The following BAZ1A variants were observed in gnomAD, a reference collection of about 807,000 sequenced individuals.
BAZ1A encodes the protein bromodomain adjacent to zinc finger domain 1A.
Under a neutral mutation model 185.2 loss-of-function variants are expected in BAZ1A, and 50 were observed. The observed-to-expected ratio is 0.27, with a 90% CI of 0.22 to 0.34. BAZ1A has a LOEUF of 0.34. Ranked by LOEUF, BAZ1A falls within the 10% of genes least tolerant of loss-of-function variation. The pLI is 1.00. For synonymous variants in BAZ1A, 571 were observed against 615.6 expected (o/e 0.93, Z 1.07); for missense variants, 1,356 against 1,839.9 (o/e 0.74, Z 4.81).
chr14:34,861,962 C>T (rs1471630285), intron 3 of BAZ1A, 82 bp downstream of exon 3: 39 of 1,472,648 alleles, frequency 2.6e-5, no homozygotes, highest in Non-Finnish European at 2.7e-5. Context: ...GGAAGATTTC[C>T]TTAGGTCACC....
chr14:34,832,228 A>ATATATATATATATATATATATATATATG (rs1437244262), intron 3 of BAZ1A, among the ~76,000 whole-genome samples: 14 of 143,376 alleles, frequency 9.8e-5, no homozygotes, highest in African/African-American at 2.6e-4. Flanking sequence ...ATATATATAT[A>ATATATATATATATATATATATATATATG]TATGTATGTA....
At chr14:34,789,181 C>A (rs554489356) in intron 12 of BAZ1A, among the ~76,000 whole-genome samples, 1 of 152,160 alleles carries the variant, frequency 6.6e-6, no homozygotes, top group African/African-American at 2.4e-5. Flanking sequence ...ATGAGCACTC[C>A]AAAATTAACA....
Position 34,776,266 on chromosome 14 carries a change from T to C in BAZ1A, c.2486A>G (p.Tyr829Cys). ...SIPGLFIEEDYSGLTEDMLLP... is the reference protein window; with the variant it reads ...SIPGLFIEEDCSGLTEDMLLP... ...CAGCATGTCTTCAGTAAGACCAGAATAATCCTCTTCAATAAAGAGTCCAGG... is the reference window on the plus strand; with the variant it reads ...CAGCATGTCTTCAGTAAGACCAGAACAATCCTCTTCAATAAAGAGTCCAGG... The change falls in exon 18 of 27, where the codon TAT (tyrosine) becomes TGT (cysteine). Residue 829 changes from tyrosine (Y) to cysteine (C), a missense_variant. Transcript: ENST00000360310. 6.2e-7 allele frequency: 1 copy of C among 1,613,760 alleles called. No individual in the cohort carries two copies. The highest frequency in any genetic ancestry group is 8.5e-7 in the Non-Finnish European group (1 of 1,179,716).
rs1272570600 is a variant in BAZ1A, at chr14:34,874,244, G to A, written c.113+248C>T. 2.2e-5 allele frequency: 9 copies of A among 410,158 alleles called. No homozygotes were observed. The highest frequency in any genetic ancestry group is 3.9e-5 in the Non-Finnish European group (9 of 228,544). 25.4% of individuals were successfully genotyped at this position (410,158 alleles called of 1,614,324 possible). ...ACAGCAGCGGCTAGGAGCGGTCCCC[G>A]AGGCCGGCCAGGGACCCAGCCTCCT... On this transcript the variant is annotated intron_variant, in intron 2 of 26. Transcript: ENST00000360310. This position sits in a 1 kb window ranked among gnomAD's most constrained non-coding sequence, Gnocchi z 4.7.
intron 9 of BAZ1A, among the ~76,000 whole-genome samples, chr14:34,799,049 C>T (rs1257338234): frequency 6.6e-6 from 1 of 151,916 alleles, no homozygotes; most frequent in East Asian, 1.9e-4. Flanking sequence ...GAATACTATG[C>T]AGCCACAAAA....
rs1244628663 is a variant in BAZ1A, at chr14:34,753,474, T to C, written c.*34A>G. 6 of 1,607,474 alleles carry C rather than the reference T, an allele frequency of 3.7e-6. No homozygotes were observed. Among genetic ancestry groups the C allele is most frequent in the African/African-American group, 1.3e-5 (1 of 74,862 alleles). On this transcript the variant is annotated 3_prime_UTR_variant, in exon 27 of 27. Transcript: ENST00000360310. Reference sequence around the variant, plus strand: ...ATGTTCCATTTTCATGAACAATTTGTTTTTCTTCAAATATATCCTTTAGAA... The same window carrying C: ...ATGTTCCATTTTCATGAACAATTTGCTTTTCTTCAAATATATCCTTTAGAA...
intron 3 of BAZ1A, among the ~76,000 whole-genome samples, chr14:34,857,291 C>T (rs949998764): frequency 6.6e-6 from 1 of 152,068 alleles, no homozygotes; most frequent in African/African-American, 2.4e-5. Flanking sequence ...CAGGCTTGAG[C>T]CACAACGCAC....
At chr14:34,829,865 T>G (rs930966708) in intron 3 of BAZ1A, among the ~76,000 whole-genome samples, 1 of 152,200 alleles carries the variant, frequency 6.6e-6, no homozygotes, top group Non-Finnish European at 1.5e-5. Flanking sequence ...TATATAGTGA[T>G]TCCCCCAAAG....
At chr14:34,761,580 T>C (rs1189710095) in intron 24 of BAZ1A, among the ~76,000 whole-genome samples, 177 bp downstream of exon 24, 1 of 152,238 alleles carries the variant, frequency 6.6e-6, no homozygotes, top group East Asian at 1.9e-4. Context: ...AGTAATATAA[T>C]TTATTCATTA....
At chr14:34,759,730 A>G (rs1886443814) in intron 24 of BAZ1A, among the ~76,000 whole-genome samples, 1 of 152,052 alleles carries the variant, frequency 6.6e-6, no homozygotes, top group Non-Finnish European at 1.5e-5. Flanking sequence ...GCTGGAGTGC[A>G]GTGGCATGAT....
At position 34,784,367 on chromosome 14, in the gene BAZ1A, CAAAAAA is replaced by C. The variant is rs368815964; in HGVS notation, c.1832-446_1832-441del. On this transcript the variant is annotated intron_variant, in intron 14 of 26. Transcript: ENST00000360310. ...TGGGCAACTGAGTGAGACTCTGTCT[CAAAAAA>C]AAAAAAAAAAAAAAAAAAAAAAGGC... Among the ~76,000 whole-genome samples the C allele has an allele frequency of 5.1e-3, 397 of 77,166 alleles. 6 individuals carry two copies. The highest frequency in any genetic ancestry group is 0.023 in the African/African-American group (379 of 16,410). 50.6% of individuals were successfully genotyped at this position (77,166 alleles called of 152,430 possible). A position where few individuals can be genotyped will look rare whatever the true frequency, so the allele number is the denominator to read the frequency against.
At position 34,761,311 on chromosome 14, in the gene BAZ1A, C is replaced by T. The variant is rs558822861; in HGVS notation, c.4243+446G>A. 3.3e-5 allele frequency among the ~76,000 whole-genome samples: 5 copies of T among 152,164 alleles called. No individual in the cohort carries two copies. In the South Asian group the frequency reaches 6.2e-4, roughly 19 times the overall value. ...AAAAAATAAAAAGACAGCTGGTCATCGCTTCCTAAAAATATTACTGCTTCC... is the reference window on the plus strand; with the variant it reads ...AAAAAATAAAAAGACAGCTGGTCATTGCTTCCTAAAAATATTACTGCTTCC... On this transcript the variant is annotated intron_variant, in intron 24 of 26. Coordinates refer to ENST00000360310, the MANE Select transcript of BAZ1A (RefSeq NM_013448.3).
intron 25 of BAZ1A, among the ~76,000 whole-genome samples, chr14:34,757,270 C>G (rs1205501141): frequency 6.7e-6 from 1 of 148,226 alleles, no homozygotes; most frequent in African/African-American, 2.5e-5. Context: ...GAGGCTGAGG[C>G]AGGAGAATCA....
At position 34,874,863 on chromosome 14, in the gene BAZ1A, C is replaced by G; in HGVS notation, c.-58-201G>C. The G allele has an allele frequency of 5.2e-6, 2 of 381,188 alleles. No homozygotes were observed. The highest frequency in any genetic ancestry group is 3.8e-5 in the South Asian group (1 of 26,522). The allele number at this position is 381,188 out of a possible 1,614,324, so 23.6% of individuals were successfully genotyped here. A position where few individuals can be genotyped will look rare whatever the true frequency, so the allele number is the denominator to read the frequency against. On this transcript the variant is annotated intron_variant, in intron 1 of 26. Transcript: ENST00000360310. The surrounding 1 kb of genome is among the most constrained non-coding windows in gnomAD (Gnocchi z 4.7). ...CCGCCGCCCCTGCCCCCCGAGCGCGCCCTACCTCCTCTCGTCCTGCCGCCG... is the reference window on the plus strand; with the variant it reads ...CCGCCGCCCCTGCCCCCCGAGCGCGGCCTACCTCCTCTCGTCCTGCCGCCG...
chr14:34,817,790 C>T (rs2042029115), intron 4 of BAZ1A, among the ~76,000 whole-genome samples: 1 of 152,120 alleles, frequency 6.6e-6, no homozygotes, highest in Non-Finnish European at 1.5e-5. Context: ...CATGAGATAC[C>T]ATTTTACACC....
At position 34,832,215 on chromosome 14, in the gene BAZ1A, C is replaced by CACACACACACACACACATATATATATAT; in HGVS notation, c.393-6060_393-6059insATATATATATATGTGTGTGTGTGTGTGT. On this transcript the variant is annotated intron_variant, in intron 3 of 26. Coordinates refer to ENST00000360310, the MANE Select transcript of BAZ1A (RefSeq NM_013448.3). ...ATACACACACACACACACACACACA[C>CACACACACACACACACATATATATATAT]ATATATATATATATATGTATGTATG... is the stretch of plus-strand genomic sequence containing the variant. 7.3e-3 allele frequency among the ~76,000 whole-genome samples: 655 copies of CACACACACACACACACATATATATATAT among 89,464 alleles called. 9 individuals carry two copies. The highest frequency in any genetic ancestry group is 0.011 in the Non-Finnish European group (462 of 42,578). The allele number at this position is 89,464 out of a possible 152,430, so 58.7% of individuals were successfully genotyped here.
intron 23 of BAZ1A, among the ~76,000 whole-genome samples, chr14:34,764,012 C>T (rs1349434417): frequency 6.6e-6 from 1 of 152,064 alleles, no homozygotes; most frequent in Non-Finnish European, 1.5e-5. Flanking sequence ...GGGGAGATTG[C>T]CCCAGTGCTG....
intron 3 of BAZ1A, among the ~76,000 whole-genome samples, chr14:34,857,617 T>G (rs1340659371): frequency 6.6e-6 from 1 of 152,160 alleles, no homozygotes; most frequent in African/African-American, 2.4e-5. Context: ...ATATCCTGAA[T>G]CCATCCAATT....
intron 2 of BAZ1A, among the ~76,000 whole-genome samples, chr14:34,868,971 A>G (rs2042908830): frequency 6.6e-6 from 1 of 150,390 alleles, no homozygotes. Flanking sequence ...TATATATTAT[A>G]TATGTATATA....
Sources: gnomAD v4.1 joint callset for allele counts (sites outside exome capture counted in the v4.1 genomes callset) on GRCh38, gnomAD v4.1.1 for gene constraint, Gnocchi (gnomAD v3.1) non-coding constraint, MANE v1.5 for transcripts, NCBI Gene and HGNC (gene_info 2026-07-23, HGNC 2026-07-21) for gene names.